ARHGEF3: variants seen among roughly 807,000 people sequenced by gnomAD.
ARHGEF3 encodes 59.8 kDA protein.
Under a neutral mutation model 63.2 loss-of-function variants are expected in ARHGEF3, and 28 were observed. The observed-to-expected ratio is 0.44, with a 90% CI of 0.33 to 0.61. The LOEUF is 0.61. Ranked by LOEUF, ARHGEF3 falls within the 20% of genes least tolerant of loss-of-function variation. The pLI, the probability that ARHGEF3 is intolerant of heterozygous loss-of-function variation, is 0.03. For missense variants in ARHGEF3, 533 were observed against 659.3 expected, an observed-to-expected ratio of 0.81 and a Z score of 2.10; for synonymous variants, 266 against 254.2, an observed-to-expected ratio of 1.05 and a Z score of -0.44.
At chr3:56,750,909 T>C in intron 6 of ARHGEF3, 147 bp downstream of exon 6, 1 of 522,372 alleles carries the variant, frequency 1.9e-6, no homozygotes, top group Non-Finnish European at 3.1e-6. Context: ...TTAAATTTAA[T>C]TAAAATTTTA....
chr3:57,054,882 C>T (rs1231101331), intron 1 of ARHGEF3, among the ~76,000 whole-genome samples: 2 of 151,640 alleles, frequency 1.3e-5, no homozygotes, highest in Non-Finnish European at 2.9e-5. Flanking sequence ...ATCTCCTGAC[C>T]TCATGATCTG....
chr3:57,038,254 C>T (rs1704041653), intron 1 of ARHGEF3, among the ~76,000 whole-genome samples: 1 of 152,106 alleles, frequency 6.6e-6, no homozygotes, highest in Non-Finnish European at 1.5e-5. Context: ...AATGAATAAA[C>T]AAAAAATTTC....
intron 3 of ARHGEF3, among the ~76,000 whole-genome samples, chr3:56,926,527 T>C (rs1413946078): frequency 6.6e-6 from 1 of 152,248 alleles, no homozygotes; most frequent in Non-Finnish European, 1.5e-5. Flanking sequence ...CCAGGAATTG[T>C]AATAACAAGA....
At chr3:56,910,981 G>A (rs967875747) in intron 3 of ARHGEF3, among the ~76,000 whole-genome samples, 5 of 152,168 alleles carry the variant, frequency 3.3e-5, no homozygotes, top group Non-Finnish European at 5.9e-5. Context: ...TGACAGTGAG[G>A]ATTTGACTTC....
chr3:56,992,875 C>T (rs1362157769), intron 2 of ARHGEF3, among the ~76,000 whole-genome samples: 1 of 152,192 alleles, frequency 6.6e-6, no homozygotes, highest in Non-Finnish European at 1.5e-5. Flanking sequence ...ACTCTGTTGC[C>T]TAGGCTGGAG....
intron 2 of ARHGEF3, among the ~76,000 whole-genome samples, chr3:57,019,637 C>A (rs1703163772): frequency 6.6e-6 from 1 of 152,072 alleles, no homozygotes; most frequent in Non-Finnish European, 1.5e-5. Context: ...TCAGATCAGG[C>A]AAGATTTTGT....
chr3:56,766,731 G>A (rs2035724416), intron 2 of ARHGEF3, among the ~76,000 whole-genome samples: 2 of 151,822 alleles, frequency 1.3e-5, no homozygotes, highest in Admixed American at 6.5e-5. Flanking sequence ...AAGAAGTCTA[G>A]ATTTAGATGT....
chr3:56,856,209 T>G (rs2039876691), intron 4 of ARHGEF3, among the ~76,000 whole-genome samples: 1 of 151,776 alleles, frequency 6.6e-6, no homozygotes, highest in Non-Finnish European at 1.5e-5. Flanking sequence ...TACACGTAAC[T>G]CGGGGATAAA....
chr3:56,981,388 T>C (rs1384818920), intron 2 of ARHGEF3, among the ~76,000 whole-genome samples: 3 of 152,182 alleles, frequency 2.0e-5, no homozygotes, highest in African/African-American at 4.8e-5. Context: ...GACTGAAAAG[T>C]TGGCAAAGCT....
chr3:57,034,715 G>A (rs1703880013), intron 2 of ARHGEF3, among the ~76,000 whole-genome samples: 1 of 131,724 alleles, frequency 7.6e-6, no homozygotes, highest in Admixed American at 8.5e-5. Flanking sequence ...AGAGTATAAT[G>A]GTGTGATCAT....
chr3:57,066,456 T>A (rs1206932750), intron 1 of ARHGEF3, among the ~76,000 whole-genome samples: 2 of 152,064 alleles, frequency 1.3e-5, no homozygotes, highest in Non-Finnish European at 2.9e-5. Context: ...AGAGACGGGG[T>A]TTCACCATGT....
At chr3:56,799,457 T>C (rs1433558388) in intron 1 of ARHGEF3, among the ~76,000 whole-genome samples, 2 of 152,230 alleles carry the variant, frequency 1.3e-5, no homozygotes, top group Non-Finnish European at 2.9e-5. Context: ...AGATCTATTT[T>C]TCTTTTTATT....
intron 4 of ARHGEF3, among the ~76,000 whole-genome samples, chr3:56,843,485 T>C (rs1449513538): frequency 1.3e-5 from 2 of 151,942 alleles, no homozygotes; most frequent in Non-Finnish European, 2.9e-5. Flanking sequence ...CAGGCTGGTC[T>C]CAAACTCCTG....
At chr3:56,816,183 C>G (rs1041846708) in intron 4 of ARHGEF3, among the ~76,000 whole-genome samples, 8 of 152,130 alleles carry the variant, frequency 5.3e-5, no homozygotes, top group Non-Finnish European at 1.2e-4. Flanking sequence ...CCACTACACT[C>G]CAGCCTGAGT....
intron 1 of ARHGEF3, among the ~76,000 whole-genome samples, chr3:57,056,033 T>G (rs1391992508): frequency 6.6e-6 from 1 of 152,072 alleles, no homozygotes; most frequent in Non-Finnish European, 1.5e-5. Context: ...GGCCACAGAA[T>G]ATGAGCAGAC....
rs187942649 is a variant in ARHGEF3, at chr3:57,074,574, T to C, written c.-28+4652A>G. The C allele has an allele frequency of 1.8e-5, 6 of 326,928 alleles. No homozygotes were observed. The East Asian group carries it at 3.5e-4, about 19-fold the overall frequency. 20.3% of individuals were successfully genotyped at this position (326,928 alleles called of 1,614,324 possible). ...TGACATCAATTGATCAATCAATCGA[T>C]CAATCAATGAAAGAGTGGGAGGCAT... On this transcript the variant is annotated intron_variant, in intron 1 of 12. Transcript: ENST00000338458.
chr3:57,067,327 C>T (rs921307228), intron 1 of ARHGEF3, among the ~76,000 whole-genome samples: 40 of 151,586 alleles, frequency 2.6e-4, no homozygotes, highest in African/African-American at 9.4e-4. Flanking sequence ...TGGTGGCGGG[C>T]GCCTGTACTC....
At chr3:56,757,958 G>A (rs982451524) in intron 2 of ARHGEF3, among the ~76,000 whole-genome samples, 11 of 150,554 alleles carry the variant, frequency 7.3e-5, no homozygotes, top group Admixed American at 2.6e-4. Context: ...TCCTGACCTC[G>A]TGATCCGCCC....
chr3:57,016,585 C>T (rs1703014010), intron 2 of ARHGEF3, among the ~76,000 whole-genome samples: 1 of 152,116 alleles, frequency 6.6e-6, no homozygotes, highest in African/African-American at 2.4e-5. Context: ...GATCAAATCA[C>T]ATAATGTCCA....
Sources: gnomAD v4.1 joint callset for allele counts (sites outside exome capture counted in the v4.1 genomes callset) on GRCh38, gnomAD v4.1.1 for gene constraint, MANE v1.5 for transcripts, NCBI Gene and HGNC (gene_info 2026-07-23, HGNC 2026-07-21) for gene names.